Variants in FOXP2 observed in about 807,000 individuals in gnomAD.
The protein encoded by FOXP2 is forkhead box P2, also known as forkhead box protein P2.
Under a neutral mutation model 115.8 loss-of-function variants are expected in FOXP2, and 12 were observed. That is an observed-to-expected ratio of 0.10 (90% CI 0.07 to 0.17). The LOEUF (loss-of-function observed/expected upper bound fraction) is 0.17. FOXP2 is among the 10% of genes least tolerant of loss of function. FOXP2 has a pLI of 1.00. For synonymous variants in FOXP2, 328 were observed against 297.7 expected (o/e 1.10, Z -1.05); for missense variants, 629 against 843.5 (o/e 0.75, Z 3.15).
intron 1 of FOXP2, among the ~76,000 whole-genome samples, chr7:114,224,492 G>A (rs745636999): frequency 1.3e-5 from 2 of 151,968 alleles, no homozygotes; most frequent in African/African-American, 4.8e-5. Flanking sequence ...CATATGCCTT[G>A]GGTTTCTTAG....
intron 2 of FOXP2, among the ~76,000 whole-genome samples, chr7:114,304,197 G>C (rs1916973): frequency 0.56 from 85,714 of 151,768 alleles, 26,889 homozygotes; most frequent in Admixed American, 0.74. Context: ...AGCTTCTAAA[G>C]GTCTTTAATT....
At chr7:114,341,043 A>C (rs1446280350) in intron 2 of FOXP2, among the ~76,000 whole-genome samples, 2 of 151,276 alleles carry the variant, frequency 1.3e-5, no homozygotes, top group Non-Finnish European at 3.0e-5. Context: ...TGAAATCTGC[A>C]CTTCGTTTTA....
chr7:114,347,375 G>A (rs1791372812), intron 2 of FOXP2, among the ~76,000 whole-genome samples: 1 of 151,828 alleles, frequency 6.6e-6, no homozygotes, highest in Non-Finnish European at 1.5e-5. Context: ...TTTTGTATGA[G>A]AGGAAAAGAG....
intron 3 of FOXP2, among the ~76,000 whole-genome samples, chr7:114,553,363 A>C (rs1300130198): frequency 2.6e-5 from 4 of 152,204 alleles, no homozygotes; most frequent in Non-Finnish European, 4.4e-5. Flanking sequence ...TTCACATACT[A>C]TCTGAGCTCT....
At chr7:114,481,616 T>C (rs1796539652) in intron 2 of FOXP2, among the ~76,000 whole-genome samples, 1 of 151,394 alleles carries the variant, frequency 6.6e-6, no homozygotes, top group East Asian at 1.9e-4. Flanking sequence ...TCTTCTCTAC[T>C]GACTCTCTGC....
At chr7:114,132,584 A>T (rs866166454) in intron 1 of FOXP2, among the ~76,000 whole-genome samples, 242 of 135,146 alleles carry the variant, frequency 1.8e-3, no homozygotes, top group African/African-American at 6.7e-3. Flanking sequence ...TGTGTGTGTG[A>T]GAGAGAGAGA....
chr7:114,360,071 C>T (rs533127916), intron 2 of FOXP2, among the ~76,000 whole-genome samples: 115 of 152,112 alleles, frequency 7.6e-4, no homozygotes, highest in African/African-American at 2.6e-3. Flanking sequence ...GGGAGGGATG[C>T]GGTGGGAGGT....
chr7:114,305,969 A>T (rs1398473910), intron 2 of FOXP2, among the ~76,000 whole-genome samples: 1 of 150,642 alleles, frequency 6.6e-6, no homozygotes, highest in African/African-American at 2.4e-5. Flanking sequence ...GAGAGTCATA[A>T]AAAAAGCAAC....
intron 2 of FOXP2, among the ~76,000 whole-genome samples, chr7:114,476,516 A>G (rs1796271338): frequency 6.6e-6 from 1 of 152,010 alleles, no homozygotes; most frequent in African/African-American, 2.4e-5. Context: ...TGTTTTGGTT[A>G]CTGTAGCCCT....
chr7:114,247,751 C>T (rs1210572226), intron 1 of FOXP2, among the ~76,000 whole-genome samples: 2 of 152,112 alleles, frequency 1.3e-5, no homozygotes, highest in East Asian at 1.9e-4. Flanking sequence ...TTGCCAACAT[C>T]GCATAGTACC....
At chr7:114,440,026 C>G (rs1199840795) in intron 2 of FOXP2, among the ~76,000 whole-genome samples, 3 of 152,126 alleles carry the variant, frequency 2.0e-5, no homozygotes, top group Non-Finnish European at 2.9e-5. Context: ...ATTCTAATAA[C>G]AAAAACTCAT....
At chr7:114,323,662 G>T (rs188236801) in intron 2 of FOXP2, among the ~76,000 whole-genome samples, 4 of 152,036 alleles carry the variant, frequency 2.6e-5, no homozygotes, top group African/African-American at 4.8e-5. Context: ...CTATAGATTA[G>T]CCATTTGAAA....
intron 1 of FOXP2, among the ~76,000 whole-genome samples, chr7:114,262,500 C>A (rs367739806): frequency 8.5e-5 from 13 of 152,062 alleles, no homozygotes; most frequent in African/African-American, 2.4e-4. Context: ...GGTAACAAAC[C>A]TGCACATATA....
intron 8 of FOXP2, among the ~76,000 whole-genome samples, chr7:114,651,032 A>G (rs1806221386): frequency 6.6e-6 from 1 of 152,060 alleles, no homozygotes; most frequent in African/African-American, 2.4e-5. Flanking sequence ...TTTTACATGT[A>G]TGTGTCTTAT....
At chr7:114,231,846 CA>C (rs1454591295) in intron 1 of FOXP2, among the ~76,000 whole-genome samples, 1 of 152,084 alleles carries the variant, frequency 6.6e-6, no homozygotes, top group African/African-American at 2.4e-5. Flanking sequence ...ACACTGGCAA[CA>C]AAAGCACACA....
intron 3 of FOXP2, among the ~76,000 whole-genome samples, chr7:114,605,174 A>G (rs1239400569): frequency 6.6e-6 from 1 of 152,168 alleles, no homozygotes; most frequent in Non-Finnish European, 1.5e-5. Flanking sequence ...CTGGAAACTC[A>G]CATTTACATG....
chr7:114,140,132 A>C (rs764810794), intron 1 of FOXP2, among the ~76,000 whole-genome samples: 7 of 152,104 alleles, frequency 4.6e-5, no homozygotes, highest in South Asian at 2.1e-4. Flanking sequence ...TTGTATGACA[A>C]CGTATGCAGA....
At chr7:114,387,958 A>G (rs1024195973) in intron 2 of FOXP2, among the ~76,000 whole-genome samples, 4 of 152,152 alleles carry the variant, frequency 2.6e-5, no homozygotes, top group Non-Finnish European at 4.4e-5. Flanking sequence ...TTCATTTTCA[A>G]CTGTATTTTT....
chr7:114,383,487 G>C (rs769344426), intron 2 of FOXP2, among the ~76,000 whole-genome samples: 3 of 152,152 alleles, frequency 2.0e-5, no homozygotes, highest in Non-Finnish European at 4.4e-5. Flanking sequence ...AGGGCTTCCT[G>C]TAGGGCATAA....
Sources: allele counts gnomAD v4.1 joint callset (sites outside exome capture counted in the v4.1 genomes callset), GRCh38; gene constraint gnomAD v4.1.1; transcripts MANE v1.5; gene names NCBI Gene and HGNC (gene_info 2026-07-23, HGNC 2026-07-21).